The following GRK5 variants were observed in gnomAD, a reference collection of about 807,000 sequenced individuals.
GRK5 encodes G protein-coupled receptor kinase 5, also known as g protein-coupled receptor kinase GRK5.
In GRK5, 40 loss-of-function variants were observed where a neutral mutation model predicts 78.4. The observed-to-expected ratio is 0.51, with a 90% CI of 0.40 to 0.66. The LOEUF is 0.66. Ranked by LOEUF, GRK5 falls within the 30% of genes least tolerant of loss-of-function variation. GRK5 has a pLI of 0.00. For synonymous variants in GRK5, 289 were observed against 296.8 expected (o/e 0.97, Z 0.27); for missense variants, 598 against 759.9 (o/e 0.79, Z 2.50).
At chr10:119,394,342 G>GGC (rs1851973075) in intron 3 of GRK5, among the ~76,000 whole-genome samples, 1 of 110,302 alleles carries the variant, frequency 9.1e-6, no homozygotes, top group Non-Finnish European at 2.0e-5. Context: ...GTGTCTGTGT[G>GGC]TGGGCATGTG....
intron 4 of GRK5, among the ~76,000 whole-genome samples, chr10:119,409,489 T>G (rs1177315564): frequency 6.6e-6 from 1 of 152,154 alleles, no homozygotes; most frequent in African/African-American, 2.4e-5. Context: ...GCATAGTGTT[T>G]CCTGTCCAGA....
At chr10:119,426,895 G>C (rs561878660) in intron 6 of GRK5, among the ~76,000 whole-genome samples, 1 of 151,816 alleles carries the variant, frequency 6.6e-6, no homozygotes, top group East Asian at 2.0e-4. Context: ...GCCATCAACA[G>C]CATCACCACC....
At chr10:119,263,929 AAATAAT>A (rs369678174) in intron 1 of GRK5, among the ~76,000 whole-genome samples, 3 of 151,970 alleles carry the variant, frequency 2.0e-5, no homozygotes, top group Non-Finnish European at 4.4e-5. Context: ...CTCCGTCTCA[AAATAAT>A]AATAATAATA....
chr10:119,424,197 C>T (rs1852627108), intron 5 of GRK5, among the ~76,000 whole-genome samples: 1 of 152,120 alleles, frequency 6.6e-6, no homozygotes, highest in Non-Finnish European at 1.5e-5. Flanking sequence ...GACTCTGACC[C>T]TGAGGGAATG....
At chr10:119,317,383 T>TGTGTGC (rs1491087767) in intron 1 of GRK5, among the ~76,000 whole-genome samples, 1 of 131,984 alleles carries the variant, frequency 7.6e-6, no homozygotes, top group African/African-American at 2.8e-5. Flanking sequence ...TGTGTGTGTG[T>TGTGTGC]GCCCAAAATA....
intron 1 of GRK5, among the ~76,000 whole-genome samples, chr10:119,265,972 G>A (rs1849489366): frequency 6.6e-6 from 1 of 152,144 alleles, no homozygotes; most frequent in Non-Finnish European, 1.5e-5. Flanking sequence ...CCCTCTTTGG[G>A]CCCCACTAAC....
At chr10:119,232,374 A>C (rs1214302859) in intron 1 of GRK5, among the ~76,000 whole-genome samples, 1 of 152,244 alleles carries the variant, frequency 6.6e-6, no homozygotes, top group Non-Finnish European at 1.5e-5. Flanking sequence ...ACAACACAAA[A>C]TTATAGCTAG....
intron 1 of GRK5, among the ~76,000 whole-genome samples, chr10:119,279,811 G>T (rs1161959383): frequency 6.6e-6 from 1 of 152,234 alleles, no homozygotes. Flanking sequence ...TTCTCTAGGG[G>T]ATCATGTGAA....
chr10:119,314,224 C>T (rs758354551), intron 1 of GRK5, among the ~76,000 whole-genome samples: 5 of 152,334 alleles, frequency 3.3e-5, no homozygotes, highest in Non-Finnish European at 5.9e-5. Context: ...GAGCGGCAGG[C>T]GGCCAGCAGG....
chr10:119,307,901 C>T (rs1486184061), intron 1 of GRK5, among the ~76,000 whole-genome samples: 1 of 152,154 alleles, frequency 6.6e-6, no homozygotes, highest in Non-Finnish European at 1.5e-5. Context: ...TTTAAAGCCC[C>T]ACTGCCTTGC....
At chr10:119,426,773 T>C (rs1852686227) in intron 6 of GRK5, among the ~76,000 whole-genome samples, 1 of 150,510 alleles carries the variant, frequency 6.6e-6, no homozygotes, top group Admixed American at 6.6e-5. Flanking sequence ...ATCATCAGTA[T>C]ACCGCCATCA....
chr10:119,224,507 T>C (rs1848704415), intron 1 of GRK5, among the ~76,000 whole-genome samples: 1 of 152,166 alleles, frequency 6.6e-6, no homozygotes, highest in Non-Finnish European at 1.5e-5. Flanking sequence ...CCTCCCAGGT[T>C]CAAGCGGTTC....
intron 3 of GRK5, among the ~76,000 whole-genome samples, chr10:119,387,151 C>T (rs964128177): frequency 9.9e-5 from 15 of 152,072 alleles, no homozygotes; most frequent in Admixed American, 7.2e-4. Context: ...ATTACAGGTG[C>T]GCACCACCAC....
intron 6 of GRK5, among the ~76,000 whole-genome samples, chr10:119,429,070 C>A (rs1852761969): frequency 6.6e-6 from 1 of 152,216 alleles, no homozygotes; most frequent in African/African-American, 2.4e-5. Flanking sequence ...CAGCTCTTCC[C>A]TTTGGCTGTC....
chr10:119,209,725 A>C (rs934233654), intron 1 of GRK5, among the ~76,000 whole-genome samples: 2 of 151,958 alleles, frequency 1.3e-5, no homozygotes, highest in Non-Finnish European at 2.9e-5. Flanking sequence ...CTCTCGCTCC[A>C]TTCTGAAATT....
intron 4 of GRK5, among the ~76,000 whole-genome samples, chr10:119,420,024 C>T (rs1307956337): frequency 6.6e-6 from 1 of 152,162 alleles, no homozygotes; most frequent in Admixed American, 6.5e-5. Flanking sequence ...CCCACTCCCT[C>T]CAGCCAGATC....
chr10:119,389,801 AACACACACAC>A (rs66652162), intron 3 of GRK5, among the ~76,000 whole-genome samples: 9,245 of 149,712 alleles, frequency 0.062, 424 homozygotes, highest in African/African-American at 0.13. Context: ...GATCATGAGC[AACACACACAC>A]ACACACACAC....
At chr10:119,424,888 T>G in intron 5 of GRK5, 105 bp from the exon 6 acceptor site, 6 of 789,764 alleles carry the variant, frequency 7.6e-6, no homozygotes, top group Non-Finnish European at 1.4e-5. Context: ...CTGCATGGGT[T>G]GAGAGGCCCT....
intron 4 of GRK5, 76 bp downstream of exon 4, chr10:119,396,848 C>A: frequency 9.0e-7 from 1 of 1,108,490 alleles, no homozygotes; most frequent in South Asian, 1.3e-5. Flanking sequence ...AAGTCTGTGC[C>A]AGGCCACATG....
Sources: gnomAD v4.1 joint callset for allele counts (sites outside exome capture counted in the v4.1 genomes callset) on GRCh38, gnomAD v4.1.1 for gene constraint, MANE v1.5 for transcripts, NCBI Gene and HGNC (gene_info 2026-07-23, HGNC 2026-07-21) for gene names.